Variants in BRSK2 observed in about 807,000 individuals in gnomAD.
BRSK2 encodes the protein serine/threonine-protein kinase BRSK2.
In BRSK2, 19 loss-of-function variants were observed where a neutral mutation model predicts 83.3. The ratio of observed to expected loss-of-function variants is 0.23; its 90% confidence interval spans 0.16 to 0.33. BRSK2 has a LOEUF of 0.33. Ranked by LOEUF, BRSK2 falls within the 10% of genes least tolerant of loss-of-function variation. The pLI is 1.00. For synonymous variants in BRSK2, 519 were observed against 435.4 expected, an observed-to-expected ratio of 1.19 and a Z score of -2.39; for missense variants, 798 against 1,042.3, an observed-to-expected ratio of 0.77 and a Z score of 3.23.
Position 1,445,740 on chromosome 11 carries a change from C to A in BRSK2, c.1076-17C>A, listed in dbSNP as rs1564857731. 1 of 1,611,114 alleles carries A rather than the reference C, an allele frequency of 6.2e-7. No homozygotes were observed. Among genetic ancestry groups the A allele is most frequent in the Non-Finnish European group, 8.5e-7 (1 of 1,178,694 alleles). Reference sequence around the variant, plus strand: ...GGGGTCCGGGGGCTGTCTGGCCTGACCTTCGTCTGTACTCAGACCCTCCCC... The same window carrying A: ...GGGGTCCGGGGGCTGTCTGGCCTGAACTTCGTCTGTACTCAGACCCTCCCC... On this transcript the variant is annotated splice_polypyrimidine_tract_variant and intron_variant, in intron 11 of 19. Transcript: ENST00000528841.
At chr11:1,399,968 C>A (rs7938522) in intron 1 of BRSK2, among the ~76,000 whole-genome samples, 2 of 152,192 alleles carry the variant, frequency 1.3e-5, no homozygotes, top group East Asian at 1.9e-4. Context: ...CAACACCCCC[C>A]ACCTCCGTTA....
chr11:1,390,538 C>G lies in BRSK2; in HGVS notation c.91+163C>G, dbSNP rs1200801969. Among the ~76,000 whole-genome samples the G allele has an allele frequency of 6.9e-6, 1 of 145,600 alleles. No individual in the cohort carries two copies. Among genetic ancestry groups the G allele is most frequent in the East Asian group, 2.0e-4 (1 of 4,926 alleles). Reference sequence around the variant, plus strand: ...TGCGCCCCCGTCCGCTCGTGCGCCCCGGTTCCGCCGCGGATCCCGCAGGCC... The same window carrying G: ...TGCGCCCCCGTCCGCTCGTGCGCCCGGGTTCCGCCGCGGATCCCGCAGGCC... On this transcript the variant is annotated intron_variant, in intron 1 of 19. Transcript: ENST00000528841. This position sits in a 1 kb window ranked among gnomAD's most constrained non-coding sequence, Gnocchi z 6.8.
chr11:1,436,631 A>T (rs1486696109), intron 2 of BRSK2, among the ~76,000 whole-genome samples: 2 of 151,538 alleles, frequency 1.3e-5, no homozygotes, highest in Non-Finnish European at 2.9e-5. Flanking sequence ...GCTGTGACCC[A>T]CCTCTCAGTG....
intron 12 of BRSK2, among the ~76,000 whole-genome samples, chr11:1,449,470 G>A (rs552975258): frequency 1.8e-4 from 28 of 152,294 alleles, no homozygotes; most frequent in Admixed American, 9.1e-4. Flanking sequence ...TCGTCCTTCC[G>A]TCCACCCCCA....
intron 1 of BRSK2, among the ~76,000 whole-genome samples, chr11:1,413,072 G>T (rs949530576): frequency 1.3e-5 from 2 of 152,136 alleles, no homozygotes; most frequent in African/African-American, 4.8e-5. Flanking sequence ...CCGCATTCCT[G>T]GGGAGGATGG....
At chr11:1,458,280 G>A (rs1178182170) in intron 18 of BRSK2, among the ~76,000 whole-genome samples, 1 of 152,078 alleles carries the variant, frequency 6.6e-6, no homozygotes, top group Non-Finnish European at 1.5e-5. Flanking sequence ...CTGTCAGCAC[G>A]CAGCACTCCC....
chr11:1,403,865 GC>G (rs1033877031), intron 1 of BRSK2, among the ~76,000 whole-genome samples: 2 of 152,184 alleles, frequency 1.3e-5, no homozygotes, highest in African/African-American at 4.8e-5. Flanking sequence ...AACACGTTGA[GC>G]GCTTCCCCAC....
At chr11:1,401,499 A>C (rs938441620) in intron 1 of BRSK2, among the ~76,000 whole-genome samples, 1 of 152,106 alleles carries the variant, frequency 6.6e-6, no homozygotes, top group Non-Finnish European at 1.5e-5. Flanking sequence ...CATACCCCGG[A>C]GTATGTTCCT....
rs201575766 is a variant in BRSK2, at chr11:1,440,777, G to A, written c.273-11G>A. The stretch of plus-strand genomic sequence containing the variant: ...CACAGCTGGGCGCACTGGTGGCCCC[G>A]TCTCCTGCAGGTACCTGGTGCTAGA... On this transcript the variant is annotated splice_polypyrimidine_tract_variant and intron_variant, in intron 3 of 19. Coordinates refer to ENST00000528841, the MANE Select transcript of BRSK2 (RefSeq NM_001256627.2). 9.0e-5 allele frequency: 141 copies of A among 1,558,466 alleles called. 1 individual carries two copies. In the East Asian group the frequency reaches 2.4e-3, roughly 26 times the overall value.
At chr11:1,396,517 C>T (rs966671408) in intron 1 of BRSK2, among the ~76,000 whole-genome samples, 1 of 152,226 alleles carries the variant, frequency 6.6e-6, no homozygotes, top group African/African-American at 2.4e-5. Context: ...CAGGCTGGCC[C>T]GAGGGCAGGT....
intron 1 of BRSK2, among the ~76,000 whole-genome samples, chr11:1,419,360 G>A (rs1375488381): frequency 6.6e-6 from 1 of 152,228 alleles, no homozygotes; most frequent in African/African-American, 2.4e-5. Flanking sequence ...GTTTCCAGCC[G>A]CTGGCTGCCC....
At chr11:1,405,632 G>T (rs1846817034) in intron 1 of BRSK2, among the ~76,000 whole-genome samples, 1 of 152,126 alleles carries the variant, frequency 6.6e-6, no homozygotes, top group African/African-American at 2.4e-5. Flanking sequence ...AAGGGCACAG[G>T]CTTGGCCGTT....
At chr11:1,427,622 T>A (rs1849397389) in intron 1 of BRSK2, among the ~76,000 whole-genome samples, 1 of 152,230 alleles carries the variant, frequency 6.6e-6, no homozygotes, top group African/African-American at 2.4e-5. Context: ...TGAGCTGCTG[T>A]GCACCGCCTG....
chr11:1,393,741 A>T lies in BRSK2; in HGVS notation c.91+3366A>T, dbSNP rs191287685. Among the ~76,000 whole-genome samples the T allele has an allele frequency of 4.3e-4, 65 of 152,164 alleles. No individual in the cohort carries two copies. The East Asian group carries it at 0.012, about 28-fold the overall frequency. On this transcript the variant is annotated intron_variant, in intron 1 of 19. Transcript: ENST00000528841. ...CTGTGCCTGGGAGACCCTGGGGGTGACCCCAGGCCCAGAAGCTGGAGGCAG... is the reference window on the plus strand; with the variant it reads ...CTGTGCCTGGGAGACCCTGGGGGTGTCCCCAGGCCCAGAAGCTGGAGGCAG...
chr11:1,427,294 C>T (rs1245794456), intron 1 of BRSK2, among the ~76,000 whole-genome samples: 1 of 152,202 alleles, frequency 6.6e-6, no homozygotes. Context: ...CCTGCTGCCT[C>T]GCCCGGCCCA....
intron 1 of BRSK2, among the ~76,000 whole-genome samples, chr11:1,425,100 G>A (rs377231864): frequency 6.6e-6 from 1 of 152,242 alleles, no homozygotes; most frequent in Non-Finnish European, 1.5e-5. Context: ...CCCGAGGCCC[G>A]TGATGGGAAG....
chr11:1,456,756 A>C, intron 18 of BRSK2, 69 bp downstream of exon 18: 1 of 1,492,962 alleles, frequency 6.7e-7, no homozygotes, highest in Non-Finnish European at 9.0e-7. Flanking sequence ...TGCTGCGCGG[A>C]CGGGAGGCGT....
rs1347444375 is a variant in BRSK2 at position 1,461,875 on chromosome 11, G to A, written c.*1152G>A. On this transcript the variant is annotated 3_prime_UTR_variant, in exon 20 of 20. Coordinates refer to ENST00000528841, the MANE Select transcript of BRSK2 (RefSeq NM_001256627.2). Reference sequence around the variant, plus strand: ...ATCTAAAGACGGTGCGGCTCGCTCTGTCATGGGTTCCGTCTCTCTGTGGAG... The same window carrying A: ...ATCTAAAGACGGTGCGGCTCGCTCTATCATGGGTTCCGTCTCTCTGTGGAG... 2 of 111,834 alleles carry A rather than the reference G, an allele frequency of 1.8e-5. No homozygotes were observed. Among genetic ancestry groups the A allele is most frequent in the South Asian group, 3.1e-4 (1 of 3,228 alleles). 6.9% of individuals were successfully genotyped at this position (111,834 alleles called of 1,614,324 possible).
intron 1 of BRSK2, among the ~76,000 whole-genome samples, chr11:1,434,826 C>T (rs576048243): frequency 2.0e-5 from 3 of 152,248 alleles, no homozygotes; most frequent in Non-Finnish European, 2.9e-5. Context: ...CACATGAGTG[C>T]GCCTGAGGAC....
Sources: gnomAD v4.1 joint callset for allele counts (sites outside exome capture counted in the v4.1 genomes callset) on GRCh38, gnomAD v4.1.1 for gene constraint, Gnocchi (gnomAD v3.1) non-coding constraint, MANE v1.5 for transcripts, NCBI Gene and HGNC (gene_info 2026-07-23, HGNC 2026-07-21) for gene names.